Variants in PDE1C observed in about 807,000 individuals in gnomAD.
PDE1C encodes the protein dual specificity calcium/calmodulin-dependent 3',5'-cyclic nucleotide phosphodiesterase 1C.
In PDE1C, 62 loss-of-function variants were observed where a neutral mutation model predicts 93.1. That is an observed-to-expected ratio of 0.67 (90% CI 0.54 to 0.82). The LOEUF (loss-of-function observed/expected upper bound fraction) is 0.82. Among genes scored for constraint, PDE1C ranks in the 40% least tolerant of loss-of-function variants. The pLI, the probability that PDE1C is intolerant of heterozygous loss-of-function variation, is 0.00. For missense variants in PDE1C, 742 were observed against 884.6 expected (o/e 0.84, Z 2.04); for synonymous variants, 325 against 310.1 (o/e 1.05, Z -0.50).
chr7:32,267,341 C>T (rs1810655648), intron 1 of PDE1C, among the ~76,000 whole-genome samples: 1 of 152,158 alleles, frequency 6.6e-6, no homozygotes, highest in Non-Finnish European at 1.5e-5. Flanking sequence ...GGAGATGTCT[C>T]CAGGAATCTG....
At chr7:32,183,201 A>G (rs980861653) in intron 2 of PDE1C, among the ~76,000 whole-genome samples, 31 of 152,212 alleles carry the variant, frequency 2.0e-4, no homozygotes, top group African/African-American at 6.5e-4. Context: ...GGAAGAATCA[A>G]TATCATGAAA....
At chr7:31,905,804 C>A (rs529530103) in intron 2 of PDE1C, among the ~76,000 whole-genome samples, 2 of 152,090 alleles carry the variant, frequency 1.3e-5, no homozygotes, top group Non-Finnish European at 2.9e-5. Context: ...AAGGGAGGAA[C>A]CTGGTAGGAG....
At chr7:31,708,893 G>A in the PDE1C span, among the ~76,000 whole-genome samples, 1 of 152,154 alleles carries the variant, frequency 6.6e-6, no homozygotes, top group Non-Finnish European at 1.5e-5. Flanking sequence ...TCCATGCTCT[G>A]CTCCCACTTC....
intron 1 of PDE1C, among the ~76,000 whole-genome samples, chr7:32,369,837 G>T (rs895486812): frequency 2.0e-5 from 3 of 152,186 alleles, no homozygotes; most frequent in African/African-American, 7.2e-5. Context: ...AACAATAGGT[G>T]CTGGAGAGGA....
At chr7:32,396,592 A>G (rs889312231) in intron 1 of PDE1C, among the ~76,000 whole-genome samples, 3 of 152,236 alleles carry the variant, frequency 2.0e-5, no homozygotes, top group Non-Finnish European at 1.5e-5. Flanking sequence ...GAATTGATGG[A>G]TGAATAGAGA....
At chr7:32,181,835 C>A (rs976086496) in intron 2 of PDE1C, among the ~76,000 whole-genome samples, 4 of 152,128 alleles carry the variant, frequency 2.6e-5, no homozygotes, top group Non-Finnish European at 4.4e-5. Context: ...CACAAAAAAT[C>A]CTTCAAAAAA....
the PDE1C span, among the ~76,000 whole-genome samples, chr7:31,725,547 A>G: frequency 6.6e-6 from 1 of 152,208 alleles, no homozygotes; most frequent in Admixed American, 6.5e-5. Flanking sequence ...CTAGCAGATC[A>G]CTTTGTCCAT....
chr7:32,212,525 C>A (rs1260661544), intron 1 of PDE1C, among the ~76,000 whole-genome samples: 2 of 152,210 alleles, frequency 1.3e-5, no homozygotes. Context: ...CTACAGAACA[C>A]AATCCAGCTC....
At chr7:31,723,375 A>C in the PDE1C span, among the ~76,000 whole-genome samples, 9 of 152,154 alleles carry the variant, frequency 5.9e-5, no homozygotes, top group Admixed American at 5.9e-4. Flanking sequence ...CCTAGGAAAC[A>C]ACTTTGGCCT....
At chr7:32,151,270 T>C (rs937850508) in intron 3 of PDE1C, among the ~76,000 whole-genome samples, 2 of 152,128 alleles carry the variant, frequency 1.3e-5, no homozygotes, top group African/African-American at 4.8e-5. Flanking sequence ...GACAAAGATA[T>C]TCCACTTACC....
At position 31,848,066 on chromosome 7, in the gene PDE1C, T is replaced by A; in HGVS notation, c.882A>T (p.Arg294Ser). 1 of 1,613,086 alleles carries A rather than the reference T, an allele frequency of 6.2e-7. No individual in the cohort carries two copies. The highest frequency in any genetic ancestry group is 8.5e-7 in the Non-Finnish European group (1 of 1,179,444). The change falls in exon 9 of 18, where the codon AGA becomes AGT. Residue 294 changes from arginine (R) to serine (S), a missense_variant. Physicochemically the swap from Arg to Ser is moderately radical, Grantham distance 110. Around this residue, in one of 4 missense-constraint regions of PDE1C, gnomAD observed 205 missense variants for 295.3 expected, o/e 0.69. Transcript: ENST00000396191. ...TTAAATGGTGATTCTCCAGTACAGA[T>A]CTGTCATTATACAGAATAGCTGGAT... The part of the protein sequence containing the change: ...RSDPAILYND[R>S]SVLENHHLSA...
chr7:31,917,228 A>G (rs1802044773), intron 2 of PDE1C, among the ~76,000 whole-genome samples: 1 of 152,186 alleles, frequency 6.6e-6, no homozygotes, highest in Non-Finnish European at 1.5e-5. Context: ...TTCTTTTCGC[A>G]GATAGAAGAT....
chr7:32,180,826 A>G (rs1803349065), intron 2 of PDE1C, among the ~76,000 whole-genome samples: 1 of 152,236 alleles, frequency 6.6e-6, no homozygotes, highest in Non-Finnish European at 1.5e-5. Flanking sequence ...CTGGAATCAT[A>G]AAAGTCTCAC....
chr7:31,991,982 G>C (rs1188120641), intron 2 of PDE1C, among the ~76,000 whole-genome samples: 4 of 152,180 alleles, frequency 2.6e-5, no homozygotes, highest in Non-Finnish European at 4.4e-5. Context: ...GGTTCCTATT[G>C]GTTCCAGACC....
At chr7:31,851,061 G>GACACACACACACAC (rs751991137) in intron 7 of PDE1C, among the ~76,000 whole-genome samples, 2 of 83,952 alleles carry the variant, frequency 2.4e-5, no homozygotes, top group African/African-American at 6.5e-5. Flanking sequence ...TTCCTAGGTA[G>GACACACACACACAC]ACACACACAC....
intron 9 of PDE1C, among the ~76,000 whole-genome samples, chr7:31,846,038 T>C (rs952058996): frequency 6.6e-6 from 1 of 151,998 alleles, no homozygotes; most frequent in African/African-American, 2.4e-5. Context: ...AGAGAACAGC[T>C]TCACACATAT....
intron 2 of PDE1C, among the ~76,000 whole-genome samples, chr7:31,900,737 G>C (rs1401313903): frequency 6.6e-6 from 1 of 151,698 alleles, no homozygotes; most frequent in East Asian, 1.9e-4. Context: ...TTGACTTCTT[G>C]AGTATCCTAG....
chr7:31,778,383 T>G (rs551915023), intron 16 of PDE1C, among the ~76,000 whole-genome samples: 1 of 152,302 alleles, frequency 6.6e-6, no homozygotes, highest in Non-Finnish European at 1.5e-5. Flanking sequence ...TTTACTTGTC[T>G]CATTTGACCT....
chr7:32,113,831 C>A (rs906399668), intron 3 of PDE1C, among the ~76,000 whole-genome samples: 2 of 151,694 alleles, frequency 1.3e-5, no homozygotes, highest in Non-Finnish European at 2.9e-5. Flanking sequence ...TCCTATACAC[C>A]AACAATAGAC....
Sources: allele counts gnomAD v4.1 joint callset (sites outside exome capture counted in the v4.1 genomes callset), GRCh38; gene constraint gnomAD v4.1.1; regional missense constraint gnomAD v4.1.1; transcripts MANE v1.5; gene names NCBI Gene and HGNC (gene_info 2026-07-23, HGNC 2026-07-21).